CSMD1: variants seen among roughly 807,000 people sequenced by gnomAD.
CSMD1 encodes the protein CUB and Sushi multiple domains 1.
Under a neutral mutation model 417.5 loss-of-function variants are expected in CSMD1, and 213 were observed. The ratio of observed to expected loss-of-function variants is 0.51; its 90% confidence interval spans 0.46 to 0.57. CSMD1 has a LOEUF of 0.57. Among genes scored for constraint, CSMD1 ranks in the 20% least tolerant of loss-of-function variants. CSMD1 has a pLI of 0.00. For synonymous variants in CSMD1, 2,862 were observed against 1,736.8 expected (o/e 1.65, Z -16.11); for missense variants, 6,923 against 4,529.7 (o/e 1.53, Z -15.17).
At chr8:4,458,823 C>A (rs536758146) in intron 2 of CSMD1, among the ~76,000 whole-genome samples, 1 of 152,200 alleles carries the variant, frequency 6.6e-6, no homozygotes, top group South Asian at 2.1e-4. Context: ...CAATTAGATC[C>A]AAAGACCCAC....
chr8:4,837,836 C>T (rs901812708), intron 1 of CSMD1, among the ~76,000 whole-genome samples: 3 of 152,002 alleles, frequency 2.0e-5, no homozygotes, highest in Non-Finnish European at 4.4e-5. Flanking sequence ...TTTGATATAG[C>T]ATGCCTATAT....
intron 1 of CSMD1, among the ~76,000 whole-genome samples, chr8:4,993,103 T>C (rs916638199): frequency 6.6e-6 from 1 of 151,878 alleles, no homozygotes; most frequent in Non-Finnish European, 1.5e-5. Context: ...CACTCTTCCA[T>C]CTGGACCACT....
At chr8:3,544,052 G>A (rs1188962090) in intron 10 of CSMD1, among the ~76,000 whole-genome samples, 1 of 152,096 alleles carries the variant, frequency 6.6e-6, no homozygotes, top group Non-Finnish European at 1.5e-5. Flanking sequence ...AGTGTCCAGT[G>A]CTAACCACAG....
rs1563218268 is a variant in CSMD1, at chr8:3,926,102, C to CCAT, written c.818+71800_818+71801insATG. On this transcript the variant is annotated intron_variant, in intron 5 of 69. Coordinates refer to ENST00000635120, the MANE Select transcript of CSMD1 (RefSeq NM_033225.6). ...CACCATACACACACACACACACACA[C>CCAT]ACACACACACACACACACACACACA... 7.1e-4 allele frequency among the ~76,000 whole-genome samples: 37 copies of CCAT among 52,140 alleles called. 3 individuals are homozygous for CCAT. In the East Asian group the frequency reaches 0.01, roughly 14 times the overall value. The allele number at this position is 52,140 out of a possible 152,430, so 34.2% of individuals were successfully genotyped here. A position where few individuals can be genotyped will look rare whatever the true frequency, so the allele number is the denominator to read the frequency against.
In CSMD1 at chr8:4,041,627, G is replaced by C. The variant is rs77832641; in HGVS notation, c.416-9528C>G. Reference sequence around the variant, plus strand: ...TAATAAGCACGCAAAAAAGTAAGAAGATATCCATAAGAAGAAGAAAACTCA... The same window carrying C: ...TAATAAGCACGCAAAAAAGTAAGAACATATCCATAAGAAGAAGAAAACTCA... On this transcript the variant is annotated intron_variant, in intron 3 of 69. Coordinates refer to ENST00000635120, the MANE Select transcript of CSMD1 (RefSeq NM_033225.6). Among the ~76,000 whole-genome samples, 175 of 152,192 alleles carry C rather than the reference G, an allele frequency of 1.1e-3. 3 individuals are homozygous for C. The East Asian group carries it at 0.029, about 25-fold the overall frequency.
At chr8:4,762,437 T>C (rs1812174294) in intron 1 of CSMD1, among the ~76,000 whole-genome samples, 1 of 152,196 alleles carries the variant, frequency 6.6e-6, no homozygotes, top group Non-Finnish European at 1.5e-5. Flanking sequence ...ATCAAACGTG[T>C]ATTTTCTCAA....
At chr8:3,667,138 G>C (rs1016923413) in intron 7 of CSMD1, among the ~76,000 whole-genome samples, 1 of 152,002 alleles carries the variant, frequency 6.6e-6, no homozygotes, top group Non-Finnish European at 1.5e-5. Context: ...TTGGGAGTGA[G>C]GTAAAGGGGG....
At chr8:4,325,535 A>G (rs13261217) in intron 3 of CSMD1, among the ~76,000 whole-genome samples, 38,791 of 152,160 alleles carry the variant, frequency 0.25, 5,501 homozygotes, top group South Asian at 0.37. Context: ...ATGAATATCC[A>G]TGGCAACCAA....
At chr8:4,367,964 G>T (rs1004953931) in intron 3 of CSMD1, among the ~76,000 whole-genome samples, 2 of 152,054 alleles carry the variant, frequency 1.3e-5, no homozygotes, top group Admixed American at 6.6e-5. Flanking sequence ...GGCTTTATGG[G>T]GTGTTCTAGG....
At position 3,125,434 on chromosome 8, in the gene CSMD1, T is replaced by C. The variant is rs1000216048; in HGVS notation, c.6242-6847A>G. On this transcript the variant is annotated intron_variant, in intron 41 of 69. Coordinates refer to ENST00000635120, the MANE Select transcript of CSMD1 (RefSeq NM_033225.6). ...CACCCTCATAAATGGGTTGTAAACATATAAAAAGTTTTAATTTAAGAAAGA... is the reference window on the plus strand; with the variant it reads ...CACCCTCATAAATGGGTTGTAAACACATAAAAAGTTTTAATTTAAGAAAGA... Among the ~76,000 whole-genome samples, 7 of 152,144 alleles carry C rather than the reference T, an allele frequency of 4.6e-5. 1 individual carries two copies. The highest frequency in any genetic ancestry group is 2.6e-4 in the Admixed American group (4 of 15,276).
intron 1 of CSMD1, among the ~76,000 whole-genome samples, chr8:4,977,479 C>G (rs1179060246): frequency 6.6e-6 from 1 of 152,160 alleles, no homozygotes; most frequent in Admixed American, 6.5e-5. Flanking sequence ...AAGGTCTCAT[C>G]TCTTCTGGGC....
chr8:3,417,848 G>T (rs1813254840), intron 12 of CSMD1, among the ~76,000 whole-genome samples: 1 of 152,136 alleles, frequency 6.6e-6, no homozygotes, highest in South Asian at 2.1e-4. Flanking sequence ...GAGACAGTGT[G>T]AGAACATGTC....
intron 2 of CSMD1, among the ~76,000 whole-genome samples, chr8:4,583,621 G>C (rs376835515): frequency 6.6e-6 from 1 of 152,120 alleles, no homozygotes; most frequent in East Asian, 1.9e-4. Flanking sequence ...AGCTGCTCTG[G>C]TGGGGCCTTG....
At chr8:3,675,675 C>G (rs1585057424) in intron 7 of CSMD1, among the ~76,000 whole-genome samples, 1 of 152,106 alleles carries the variant, frequency 6.6e-6, no homozygotes, top group Admixed American at 6.6e-5. Context: ...TTAGAAGATG[C>G]CATCTGCAAA....
chr8:4,565,537 C>A (rs1199599455), intron 2 of CSMD1, among the ~76,000 whole-genome samples: 1 of 151,894 alleles, frequency 6.6e-6, no homozygotes, highest in East Asian at 1.9e-4. Context: ...GTGTTTGAGA[C>A]AAGCCTGGCC....
chr8:3,964,683 T>G (rs560016295), intron 5 of CSMD1, among the ~76,000 whole-genome samples: 2 of 152,224 alleles, frequency 1.3e-5, no homozygotes, highest in Admixed American at 1.3e-4. Flanking sequence ...TACTTTTAAA[T>G]GGACCATAGT....
At chr8:3,449,467 G>C (rs1369666165) in intron 12 of CSMD1, among the ~76,000 whole-genome samples, 1 of 151,734 alleles carries the variant, frequency 6.6e-6, no homozygotes, top group African/African-American at 2.4e-5. Context: ...TTTTTCTTAT[G>C]CTATATTTTC....
intron 5 of CSMD1, among the ~76,000 whole-genome samples, chr8:3,904,373 A>G (rs923310105): frequency 2.6e-5 from 4 of 152,106 alleles, no homozygotes; most frequent in Non-Finnish European, 5.9e-5. Context: ...CTAACTCTTT[A>G]TTGCAATGGA....
intron 1 of CSMD1, among the ~76,000 whole-genome samples, chr8:4,823,329 T>A (rs578019821): frequency 6.6e-6 from 1 of 152,076 alleles, no homozygotes; most frequent in Non-Finnish European, 1.5e-5. Context: ...GATGACTTAG[T>A]TTTTAAAATG....
Sources: allele counts gnomAD v4.1 joint callset (sites outside exome capture counted in the v4.1 genomes callset), GRCh38; gene constraint gnomAD v4.1.1; transcripts MANE v1.5; gene names NCBI Gene and HGNC (gene_info 2026-07-23, HGNC 2026-07-21).